The following TMEM163 variants were observed in gnomAD, a reference collection of about 807,000 sequenced individuals.
The protein encoded by TMEM163 is transmembrane protein 163.
In TMEM163, 17 loss-of-function variants were observed where a neutral mutation model predicts 29.3. The observed-to-expected ratio is 0.58, with a 90% CI of 0.40 to 0.87. The LOEUF is 0.87. TMEM163 is among the 40% of genes least tolerant of loss of function. TMEM163 has a pLI of 0.00. For missense variants in TMEM163, 303 were observed against 381.5 expected, an observed-to-expected ratio of 0.79 and a Z score of 1.71; for synonymous variants, 157 against 160.6, an observed-to-expected ratio of 0.98 and a Z score of 0.17.
rs141969695 is a variant in TMEM163 at position 134,458,121 on chromosome 2, C to T, written c.720G>A (p.Ala240=). The T allele has an allele frequency of 1.6e-5, 26 of 1,614,040 alleles. No individual in the cohort carries two copies. Among genetic ancestry groups the T allele is most frequent in the South Asian group, 1.3e-4 (12 of 91,082 alleles). The change falls in exon 7 of 8, where the codon GCG becomes GCA. Residue 240 remains alanine (A), a synonymous_variant. Coordinates refer to ENST00000281924, the MANE Select transcript of TMEM163 (RefSeq NM_030923.5). ...CCGCCGAGTCATGCTTGAACACTTC[C>T]GCGCTCAGAAGAATGGAGAAGCCCA... ...GVMGFSILLS[A]EVFKHDSAVW...
chr2:134,567,740 G>A (rs1218301520), intron 2 of TMEM163, among the ~76,000 whole-genome samples: 1 of 152,082 alleles, frequency 6.6e-6, no homozygotes, highest in East Asian at 1.9e-4. Flanking sequence ...CAAAATTTAA[G>A]TCCCCAAGAT....
At chr2:134,693,945 A>T (rs1196402933) in intron 2 of TMEM163, among the ~76,000 whole-genome samples, 1 of 152,166 alleles carries the variant, frequency 6.6e-6, no homozygotes, top group Non-Finnish European at 1.5e-5. Context: ...TGAACAATGG[A>T]GATGGGTCCC....
intron 2 of TMEM163, among the ~76,000 whole-genome samples, chr2:134,637,333 T>C (rs2104837214): frequency 6.6e-6 from 1 of 152,328 alleles, no homozygotes; most frequent in African/African-American, 2.4e-5. Flanking sequence ...CCACTCATAC[T>C]ACATGAGTGA....
At chr2:134,688,230 G>A (rs142623160) in intron 2 of TMEM163, among the ~76,000 whole-genome samples, 16 of 152,218 alleles carry the variant, frequency 1.1e-4, no homozygotes, top group Admixed American at 2.0e-4. Context: ...GCCTCGGCCC[G>A]AGCTGCAAGC....
chr2:134,574,277 C>T (rs531165024), intron 2 of TMEM163, among the ~76,000 whole-genome samples: 3 of 152,316 alleles, frequency 2.0e-5, no homozygotes, highest in South Asian at 4.1e-4. Context: ...CTAGAAGACA[C>T]AGCCATGTAC....
chr2:134,578,015 C>A (rs1380758312), intron 2 of TMEM163, among the ~76,000 whole-genome samples: 1 of 151,960 alleles, frequency 6.6e-6, no homozygotes, highest in Non-Finnish European at 1.5e-5. Context: ...ATGGGGAGGT[C>A]CTGGAACCAA....
At chr2:134,524,194 C>T (rs1030144760) in intron 4 of TMEM163, among the ~76,000 whole-genome samples, 2 of 152,166 alleles carry the variant, frequency 1.3e-5, no homozygotes, top group Non-Finnish European at 2.9e-5. Context: ...AAATGAGCTG[C>T]AGTCTTAGGA....
At chr2:134,503,755 G>T (rs1441202548) in intron 4 of TMEM163, among the ~76,000 whole-genome samples, 2 of 152,088 alleles carry the variant, frequency 1.3e-5, no homozygotes, top group Non-Finnish European at 2.9e-5. Flanking sequence ...GAGGCCAAGG[G>T]TGAAGTGAGA....
intron 5 of TMEM163, chr2:134,469,581 A>T (rs1686745772): frequency 6.6e-6 from 1 of 152,250 alleles, no homozygotes; most frequent in South Asian, 2.1e-4. Context: ...GCATGAGTGA[A>T]AGGTGGAGGT....
intron 2 of TMEM163, among the ~76,000 whole-genome samples, chr2:134,688,225 G>A (rs61533438): frequency 0.12 from 17,931 of 151,982 alleles, 3,520 homozygotes; most frequent in African/African-American, 0.41. Flanking sequence ...TATGTGCCTC[G>A]GCCCGAGCTG....
At chr2:134,482,805 TG>T (rs1433925624) in intron 5 of TMEM163, among the ~76,000 whole-genome samples, 1 of 152,202 alleles carries the variant, frequency 6.6e-6, no homozygotes, top group East Asian at 1.9e-4. Context: ...CAGACCATTT[TG>T]ATGTCTGGAG....
At chr2:134,524,637 A>T (rs1243859451) in intron 4 of TMEM163, among the ~76,000 whole-genome samples, 1 of 149,802 alleles carries the variant, frequency 6.7e-6, no homozygotes, top group African/African-American at 2.5e-5. Context: ...CTTTGTTCCT[A>T]TGTCAGTTTG....
At chr2:134,463,473 T>C (rs114774839) in intron 6 of TMEM163, among the ~76,000 whole-genome samples, 1 of 152,328 alleles carries the variant, frequency 6.6e-6, no homozygotes, top group African/African-American at 2.4e-5. Flanking sequence ...AGGAAGGCCA[T>C]GCAGATGAAC....
intron 5 of TMEM163, among the ~76,000 whole-genome samples, chr2:134,488,535 A>G (rs1404263640): frequency 6.6e-6 from 1 of 152,190 alleles, no homozygotes; most frequent in African/African-American, 2.4e-5. Context: ...CACAGACTGA[A>G]GGCTGCACCA....
chr2:134,532,594 T>A (rs1680438971), intron 4 of TMEM163, among the ~76,000 whole-genome samples: 1 of 152,264 alleles, frequency 6.6e-6, no homozygotes, highest in South Asian at 2.1e-4. Context: ...TTTCTTGAAA[T>A]GCAGAATTGC....
At chr2:134,457,196 G>A (rs1009747648) in intron 7 of TMEM163, among the ~76,000 whole-genome samples, 1 of 152,120 alleles carries the variant, frequency 6.6e-6, no homozygotes, top group Non-Finnish European at 1.5e-5. Context: ...TCTGTTAATG[G>A]ACAATTGTGT....
intron 2 of TMEM163, among the ~76,000 whole-genome samples, chr2:134,683,751 G>T (rs927109750): frequency 2.6e-5 from 4 of 152,138 alleles, no homozygotes; most frequent in Admixed American, 2.0e-4. Context: ...ATCAGATTTT[G>T]CTATGAAAAC....
At chr2:134,640,586 C>A (rs747429510) in intron 2 of TMEM163, among the ~76,000 whole-genome samples, 27 of 152,172 alleles carry the variant, frequency 1.8e-4, no homozygotes, top group Non-Finnish European at 3.1e-4. Context: ...GTTCTTTGGG[C>A]AGTTCTCTAT....
chr2:134,531,720 A>G (rs1475006996), intron 4 of TMEM163, among the ~76,000 whole-genome samples: 1 of 152,176 alleles, frequency 6.6e-6, no homozygotes, highest in Non-Finnish European at 1.5e-5. Flanking sequence ...TCTGGGGTGC[A>G]CCACCCTCCA....
Sources: gnomAD v4.1 joint callset for allele counts (sites outside exome capture counted in the v4.1 genomes callset) on GRCh38, gnomAD v4.1.1 for gene constraint, MANE v1.5 for transcripts, NCBI Gene and HGNC (gene_info 2026-07-23, HGNC 2026-07-21) for gene names.